Variants in RFX4 observed in about 807,000 individuals in gnomAD.
RFX4 encodes regulatory factor X4.
RFX4 carries 10 observed loss-of-function variants against 95.0 expected under a neutral mutation model. That is an observed-to-expected ratio of 0.11 (90% CI 0.06 to 0.18). RFX4 has a LOEUF of 0.18. Among genes scored for constraint, RFX4 ranks in the 10% least tolerant of loss-of-function variants. RFX4 has a pLI of 1.00. For synonymous variants in RFX4, 321 were observed against 340.7 expected (o/e 0.94, Z 0.64); for missense variants, 640 against 922.0 (o/e 0.69, Z 3.96).
At chr12:106,735,109 T>A (rs2042687035) in intron 15 of RFX4, among the ~76,000 whole-genome samples, 1 of 150,520 alleles carries the variant, frequency 6.6e-6, no homozygotes. Context: ...ATCATACCCA[T>A]GAGAGTCAAG....
At chr12:106,666,516 T>C (rs2041179154) in intron 4 of RFX4, among the ~76,000 whole-genome samples, 2 of 152,234 alleles carry the variant, frequency 1.3e-5, no homozygotes, top group African/African-American at 4.8e-5. Flanking sequence ...CTTTTCTCTC[T>C]TTTTTTCTCT....
At chr12:106,628,479 A>G (rs929100874) in intron 2 of RFX4, among the ~76,000 whole-genome samples, 3 of 152,210 alleles carry the variant, frequency 2.0e-5, no homozygotes, top group Admixed American at 6.5e-5. Flanking sequence ...TTGGCACTCC[A>G]GGACCACTTA....
intron 3 of RFX4, among the ~76,000 whole-genome samples, chr12:106,652,373 A>G (rs2040870982): frequency 6.6e-6 from 1 of 152,224 alleles, no homozygotes; most frequent in Admixed American, 6.5e-5. Context: ...AGCGCCTGGC[A>G]GGTGATAAGA....
chr12:106,757,132 C>G (rs1447570797), intron 17 of RFX4, among the ~76,000 whole-genome samples: 1 of 152,154 alleles, frequency 6.6e-6, no homozygotes, highest in African/African-American at 2.4e-5. Flanking sequence ...TGGACCATGA[C>G]CCTGTGATTC....
At chr12:106,760,345 G>C (rs914688601) in intron 17 of RFX4, among the ~76,000 whole-genome samples, 1 of 152,138 alleles carries the variant, frequency 6.6e-6, no homozygotes, top group African/African-American at 2.4e-5. Context: ...TTGCATAGCT[G>C]TCTTGGTAAC....
intron 2 of RFX4, among the ~76,000 whole-genome samples, chr12:106,623,810 CT>C (rs2040234596): frequency 6.6e-6 from 1 of 152,140 alleles, no homozygotes; most frequent in Non-Finnish European, 1.5e-5. Context: ...CAGCAGAATG[CT>C]TTGGATTGTA....
chr12:106,727,341 C>A (rs1285255585), intron 13 of RFX4, among the ~76,000 whole-genome samples: 1 of 152,092 alleles, frequency 6.6e-6, no homozygotes, highest in Admixed American at 6.5e-5. Context: ...AATTTAATAT[C>A]TTAAAGGGCA....
At chr12:106,602,138 G>A (rs1263468103) in intron 1 of RFX4, among the ~76,000 whole-genome samples, 3 of 152,214 alleles carry the variant, frequency 2.0e-5, no homozygotes, top group Admixed American at 2.0e-4. Flanking sequence ...CCATCAACTA[G>A]CTTCTCTGGA....
chr12:106,726,646 C>T (rs10778504), intron 13 of RFX4, among the ~76,000 whole-genome samples: 58,738 of 152,006 alleles, frequency 0.39, 11,796 homozygotes, highest in African/African-American at 0.5. Context: ...AAAACACATA[C>T]ACAAATTAGT....
intron 15 of RFX4, among the ~76,000 whole-genome samples, chr12:106,735,559 A>G (rs1267104739): frequency 1.3e-5 from 2 of 152,228 alleles, no homozygotes; most frequent in Non-Finnish European, 2.9e-5. Context: ...AACCAGACTG[A>G]TAGCAGACTT....
chr12:106,685,665 A>G (rs773241655), intron 5 of RFX4, among the ~76,000 whole-genome samples: 3 of 152,226 alleles, frequency 2.0e-5, no homozygotes, highest in Non-Finnish European at 2.9e-5. Flanking sequence ...ATAAGATCAA[A>G]GTTTATAAGA....
chr12:106,676,593 G>A (rs1478369547), intron 4 of RFX4, among the ~76,000 whole-genome samples: 1 of 152,154 alleles, frequency 6.6e-6, no homozygotes, highest in Admixed American at 6.5e-5. Context: ...ATGATCACTT[G>A]AGTGGGTGCA....
At chr12:106,756,225 T>C (rs1356713293) in intron 17 of RFX4, among the ~76,000 whole-genome samples, 1 of 152,146 alleles carries the variant, frequency 6.6e-6, no homozygotes, top group African/African-American at 2.4e-5. Flanking sequence ...CTTTCCAGGT[T>C]CCCCATTCCC....
chr12:106,732,051 A>G (rs2042622580), intron 13 of RFX4, 79 bp from the exon 14 acceptor site: 1 of 1,570,486 alleles, frequency 6.4e-7, no homozygotes, highest in Non-Finnish European at 8.7e-7. Context: ...ACACTGTGTA[A>G]CTTGTGCAGT....
intron 1 of RFX4, among the ~76,000 whole-genome samples, chr12:106,594,606 T>C (rs1592830714): frequency 6.6e-6 from 1 of 151,548 alleles, no homozygotes; most frequent in African/African-American, 2.4e-5. Context: ...GCGCTGGGAG[T>C]GGGAGCGCCG....
intron 1 of RFX4, among the ~76,000 whole-genome samples, chr12:106,605,666 T>C (rs570088773): frequency 6.6e-6 from 1 of 152,294 alleles, no homozygotes; most frequent in African/African-American, 2.4e-5. Flanking sequence ...GCAGGTGAAC[T>C]GGATGGCAAA....
intron 2 of RFX4, among the ~76,000 whole-genome samples, chr12:106,609,211 T>C (rs1438754730): frequency 1.3e-5 from 2 of 152,226 alleles, no homozygotes; most frequent in African/African-American, 4.8e-5. Context: ...GGAAAGGCCA[T>C]TCTCAGTGTC....
intron 2 of RFX4, among the ~76,000 whole-genome samples, chr12:106,613,994 G>C (rs2040016239): frequency 6.6e-6 from 1 of 152,162 alleles, no homozygotes; most frequent in South Asian, 2.1e-4. Flanking sequence ...ATAAGTTTCA[G>C]TGTTTCACTT....
At chr12:106,710,248 G>T (rs965614125) in intron 9 of RFX4, among the ~76,000 whole-genome samples, 1 of 152,126 alleles carries the variant, frequency 6.6e-6, no homozygotes, top group African/African-American at 2.4e-5. Context: ...AAATGAAGGC[G>T]ATCAAATTAC....
Sources: gnomAD v4.1 joint callset for allele counts (sites outside exome capture counted in the v4.1 genomes callset) on GRCh38, gnomAD v4.1.1 for gene constraint, MANE v1.5 for transcripts, NCBI Gene and HGNC (gene_info 2026-07-23, HGNC 2026-07-21) for gene names.